Variants in CNTN6 observed in about 807,000 individuals in gnomAD.
The protein encoded by CNTN6 is contactin 6.
A neutral mutation model predicts 122.8 loss-of-function variants in CNTN6; 137 were observed. That is an observed-to-expected ratio of 1.12 (90% CI 0.97 to 1.29). CNTN6 has a LOEUF of 1.29. Among genes scored for constraint, CNTN6 ranks in the 50% most tolerant of loss-of-function variants. The probability of loss-of-function intolerance (pLI) is 0.00; values close to 1 mark genes in which losing one functional copy is unlikely to be tolerated. For synonymous variants in CNTN6, 570 were observed against 426.0 expected, an observed-to-expected ratio of 1.34 and a Z score of -4.16; for missense variants, 1,634 against 1,223.4, an observed-to-expected ratio of 1.34 and a Z score of -5.01.
chr3:1,306,748 C>G (rs188116606), intron 7 of CNTN6, among the ~76,000 whole-genome samples: 32 of 152,214 alleles, frequency 2.1e-4, no homozygotes, highest in Admixed American at 1.0e-3. Context: ...TAAATAGTAA[C>G]TACTTTATTA....
chr3:1,381,094 A>G (rs1691803702), intron 17 of CNTN6, among the ~76,000 whole-genome samples: 1 of 152,178 alleles, frequency 6.6e-6, no homozygotes, highest in Non-Finnish European at 1.5e-5. Context: ...AGAGAGCACC[A>G]TGAGAAACAC....
intron 12 of CNTN6, among the ~76,000 whole-genome samples, chr3:1,360,596 A>G (rs922372886): frequency 1.3e-5 from 2 of 151,156 alleles, no homozygotes; most frequent in African/African-American, 2.4e-5. Context: ...ATGTATGTAT[A>G]CACGTATTTT....
At chr3:1,346,949 G>T (rs1177227583) in intron 11 of CNTN6, among the ~76,000 whole-genome samples, 1 of 152,098 alleles carries the variant, frequency 6.6e-6, no homozygotes, top group African/African-American at 2.4e-5. Context: ...TTTGTTTTCT[G>T]TGTAGGACTA....
chr3:1,268,587 A>G (rs1575490372), intron 4 of CNTN6, among the ~76,000 whole-genome samples: 2 of 122,914 alleles, frequency 1.6e-5, no homozygotes. Flanking sequence ...AGCCTGGGCG[A>G]CAGAGCGAGA....
chr3:1,327,963 T>C (rs565081865), intron 10 of CNTN6, among the ~76,000 whole-genome samples: 1 of 151,980 alleles, frequency 6.6e-6, no homozygotes, highest in South Asian at 2.1e-4. Flanking sequence ...TTTTATCTCT[T>C]AGCAAGAGGG....
chr3:1,255,845 T>C (rs1292300810), intron 4 of CNTN6, among the ~76,000 whole-genome samples: 1 of 151,840 alleles, frequency 6.6e-6, no homozygotes, highest in Non-Finnish European at 1.5e-5. Context: ...CTGGCTAATT[T>C]TTTATTTTAT....
chr3:1,333,409 A>G (rs1483452593), intron 11 of CNTN6, among the ~76,000 whole-genome samples: 1 of 152,050 alleles, frequency 6.6e-6, no homozygotes, highest in Non-Finnish European at 1.5e-5. Flanking sequence ...TCAAATAGCA[A>G]TATATACATA....
chr3:1,285,792 G>C lies in CNTN6; in HGVS notation c.454+7284G>C, dbSNP rs180977227. On this transcript the variant is annotated intron_variant, in intron 5 of 22. Coordinates refer to ENST00000446702, the MANE Select transcript of CNTN6 (RefSeq NM_001289080.2). ...TCCCTAATTTTCTCTGGCATAATCTGGTCCAGAAGAGACACTTAAAAGTTT... is the reference window on the plus strand; with the variant it reads ...TCCCTAATTTTCTCTGGCATAATCTCGTCCAGAAGAGACACTTAAAAGTTT... Among the ~76,000 whole-genome samples the C allele has an allele frequency of 3.3e-5, 5 of 152,196 alleles. No homozygotes were observed. The East Asian group carries it at 9.6e-4, about 29-fold the overall frequency.
chr3:1,355,172 TG>T (rs1706347496), intron 12 of CNTN6, among the ~76,000 whole-genome samples: 1 of 151,668 alleles, frequency 6.6e-6, no homozygotes. Flanking sequence ...TGGGGTCTTT[TG>T]CTTCTTTGTC....
At chr3:1,287,564 T>C (rs1215376276) in intron 5 of CNTN6, among the ~76,000 whole-genome samples, 7 of 152,184 alleles carry the variant, frequency 4.6e-5, no homozygotes, top group Middle Eastern at 3.4e-3. Context: ...ACTCAGAAGC[T>C]GGCTATGAGA....
chr3:1,319,528 TA>T (rs34621389), intron 7 of CNTN6, among the ~76,000 whole-genome samples: 2 of 151,552 alleles, frequency 1.3e-5, no homozygotes, highest in South Asian at 2.1e-4. Flanking sequence ...TTAGTTATGT[TA>T]AAAAATGACT....
intron 10 of CNTN6, 63 bp downstream of exon 10, chr3:1,327,649 T>A: frequency 1.3e-6 from 2 of 1,531,570 alleles, no homozygotes; most frequent in Non-Finnish European, 1.8e-6. Flanking sequence ...TAATTATGCA[T>A]AATCCCAACC....
At chr3:1,247,518 G>T (rs1016579828) in intron 4 of CNTN6, among the ~76,000 whole-genome samples, 1 of 152,024 alleles carries the variant, frequency 6.6e-6, no homozygotes, top group African/African-American at 2.4e-5. Context: ...GAGAACCAGA[G>T]GAGAATAAAA....
chr3:1,318,976 A>T (rs1178874605), intron 7 of CNTN6, among the ~76,000 whole-genome samples: 5 of 151,848 alleles, frequency 3.3e-5, no homozygotes, highest in African/African-American at 1.2e-4. Flanking sequence ...TCGTCTAAGA[A>T]AGGTGTATCT....
intron 2 of CNTN6, among the ~76,000 whole-genome samples, chr3:1,157,310 C>T (rs921373044): frequency 1.3e-5 from 2 of 151,952 alleles, no homozygotes; most frequent in Non-Finnish European, 2.9e-5. Context: ...CTCTGCCTCC[C>T]AGGTTCAAGC....
chr3:1,364,885 A>G (rs1319799205), intron 12 of CNTN6, among the ~76,000 whole-genome samples: 1 of 151,926 alleles, frequency 6.6e-6, no homozygotes, highest in African/African-American at 2.4e-5. Context: ...GTTTTTATAT[A>G]ATAACTTTTA....
At chr3:1,388,285 C>T (rs940911542) in intron 20 of CNTN6, among the ~76,000 whole-genome samples, 14 of 147,966 alleles carry the variant, frequency 9.5e-5, no homozygotes, top group African/African-American at 3.5e-4. Context: ...CTGGGAGGCA[C>T]CCCCCAGCAG....
intron 20 of CNTN6, among the ~76,000 whole-genome samples, chr3:1,396,958 C>T (rs1695064702): frequency 6.6e-6 from 1 of 152,186 alleles, no homozygotes; most frequent in Non-Finnish European, 1.5e-5. Flanking sequence ...GATATTTGAT[C>T]TTCCATTGGA....
intron 2 of CNTN6, among the ~76,000 whole-genome samples, chr3:1,220,375 G>C (rs898585816): frequency 6.6e-6 from 1 of 152,000 alleles, no homozygotes; most frequent in Non-Finnish European, 1.5e-5. Context: ...AATTTTATTA[G>C]AAAAAATGGG....
Sources: allele counts gnomAD v4.1 joint callset (sites outside exome capture counted in the v4.1 genomes callset), GRCh38; gene constraint gnomAD v4.1.1; transcripts MANE v1.5; gene names NCBI Gene and HGNC (gene_info 2026-07-23, HGNC 2026-07-21).